DDB2: variants seen among roughly 807,000 people sequenced by gnomAD.
DDB2 encodes the protein DNA damage-binding protein 2.
In DDB2, 27 loss-of-function variants were observed where a neutral mutation model predicts 50.5. The observed-to-expected ratio is 0.53, with a 90% confidence interval of 0.39 to 0.74. The LOEUF (loss-of-function observed/expected upper bound fraction) is 0.74. Among genes scored for constraint, DDB2 ranks in the 30% least tolerant of loss-of-function variants. The pLI, the probability that DDB2 is intolerant of heterozygous loss-of-function variation, is 0.00. For synonymous variants in DDB2, 176 were observed against 205.5 expected (o/e 0.86, Z 1.23); for missense variants, 424 against 545.6 (o/e 0.78, Z 2.22).
intron 4 of DDB2, 116 bp downstream of exon 4, chr11:47,233,075 C>G: frequency 8.2e-7 from 1 of 1,214,932 alleles, no homozygotes; most frequent in South Asian, 1.2e-5. Context: ...GGAAAGATGT[C>G]AGCCACTTTC....
At chr11:47,229,149 C>A (rs958997147) in intron 3 of DDB2, among the ~76,000 whole-genome samples, 2 of 151,912 alleles carry the variant, frequency 1.3e-5, no homozygotes, top group African/African-American at 4.8e-5. Flanking sequence ...GATGCTGGGG[C>A]CCCTGAAGCT....
chr11:47,239,008 CT>C lies in DDB2; in HGVS notation c.*163del. Reference sequence around the variant, plus strand: ...CCTGGGGCACTGTGGGACTGGGACACTTTTATGTTAATGCTCTGGACTTGCC... The same window carrying C: ...CCTGGGGCACTGTGGGACTGGGACACTTTATGTTAATGCTCTGGACTTGCC... On this transcript the variant is annotated 3_prime_UTR_variant, in exon 10 of 10. Transcript: ENST00000256996. 2.9e-6 allele frequency: 2 copies of C among 697,562 alleles called. No individual in the cohort carries two copies. Among genetic ancestry groups the C allele is most frequent in the Non-Finnish European group, 2.5e-6 (1 of 407,844 alleles). The allele number at this position is 697,562 out of a possible 1,614,324, so 43.2% of individuals were successfully genotyped here. A position where few individuals can be genotyped will look rare whatever the true frequency, so the allele number is the denominator to read the frequency against.
intron 3 of DDB2, among the ~76,000 whole-genome samples, chr11:47,223,125 A>C (rs961361905): frequency 3.9e-5 from 6 of 152,210 alleles, no homozygotes; most frequent in Non-Finnish European, 8.8e-5. Context: ...TTTAATTGGT[A>C]AATTAAAATT....
At position 47,216,048 on chromosome 11, in the gene DDB2, A is replaced by C. The variant is rs769079489; in HGVS notation, c.128-288A>C. On this transcript the variant is annotated intron_variant, in intron 1 of 9. Coordinates refer to ENST00000256996, the MANE Select transcript of DDB2 (RefSeq NM_000107.3). Reference sequence around the variant, plus strand: ...CAAACTGGGAAGAGTTCTGCATTGTACTTTATCCTTGTGTGTTTCTTTGGC... The same window carrying C: ...CAAACTGGGAAGAGTTCTGCATTGTCCTTTATCCTTGTGTGTTTCTTTGGC... The C allele has an allele frequency of 1.5e-5, 8 of 516,448 alleles. 1 individual carries two copies. Among genetic ancestry groups the C allele is most frequent in the Non-Finnish European group, 2.5e-5 (7 of 283,432 alleles). 32.0% of individuals were successfully genotyped at this position (516,448 alleles called of 1,614,324 possible).
chr11:47,222,950 T>C (rs576124732), intron 3 of DDB2, among the ~76,000 whole-genome samples: 1 of 152,238 alleles, frequency 6.6e-6, no homozygotes, highest in South Asian at 2.1e-4. Context: ...ATTTTCTTTC[T>C]GCCTGAAGAA....
chr11:47,215,981 T>G, intron 1 of DDB2: 1 of 384,212 alleles, frequency 2.6e-6, no homozygotes, highest in East Asian at 6.1e-5. Context: ...TTATATGTGA[T>G]TTATAAAATT....
chr11:47,232,049 A>G (rs1340398320), intron 3 of DDB2, among the ~76,000 whole-genome samples: 1 of 152,200 alleles, frequency 6.6e-6, no homozygotes, highest in Non-Finnish European at 1.5e-5. Flanking sequence ...TAAAGCCTTA[A>G]GAAATGAAGG....
At chr11:47,219,211 G>A (rs1353858934) in intron 3 of DDB2, among the ~76,000 whole-genome samples, 1 of 152,138 alleles carries the variant, frequency 6.6e-6, no homozygotes, top group Non-Finnish European at 1.5e-5. Context: ...CCAAAGTGCT[G>A]GGATTACAGG....
At chr11:47,226,474 C>T (rs1459910851) in intron 3 of DDB2, among the ~76,000 whole-genome samples, 8 of 151,814 alleles carry the variant, frequency 5.3e-5, no homozygotes, top group Admixed American at 1.3e-4. Context: ...GGTTTTGCCA[C>T]GTTGGCCAGG....
chr11:47,230,193 G>A (rs982654408), intron 3 of DDB2, among the ~76,000 whole-genome samples: 1 of 151,766 alleles, frequency 6.6e-6, no homozygotes, highest in South Asian at 2.1e-4. Flanking sequence ...CCAGCTACTT[G>A]GGAGGCTGAG....
chr11:47,215,458 A>G, intron 1 of DDB2, 195 bp downstream of exon 1: 1 of 684,070 alleles, frequency 1.5e-6, no homozygotes, highest in South Asian at 1.6e-5. Flanking sequence ...GGTAACAGGA[A>G]GCAGATGAGC....
rs1301607305 is a variant in DDB2 at position 47,232,954 on chromosome 11, C to G, written c.597C>G (p.Thr199=). The G allele has an allele frequency of 1.2e-6, 2 of 1,614,076 alleles. No individual in the cohort carries two copies. Among genetic ancestry groups the G allele is most frequent in the African/African-American group, 2.7e-5 (2 of 74,942 alleles). Reference sequence around the variant, plus strand: ...TACGAGTTTTTGCCAGCTCAGACACCATCAAGTGAGTAGTTTAACTAGCAG... The same window carrying G: ...TACGAGTTTTTGCCAGCTCAGACACGATCAAGTGAGTAGTTTAACTAGCAG... ...NILRVFASSD[T]INIWFCSLDV... Residue 199 remains threonine (T), a synonymous_variant, in exon 4 of 10, where the codon ACC becomes ACG. Coordinates refer to ENST00000256996, the MANE Select transcript of DDB2 (RefSeq NM_000107.3).
intron 3 of DDB2, chr11:47,220,745 T>C (rs756300143): frequency 6.6e-6 from 1 of 152,262 alleles, no homozygotes; most frequent in Non-Finnish European, 1.5e-5. Flanking sequence ...CAGTGCCTCA[T>C]TTTGTCACTT....
intron 8 of DDB2, 62 bp from the exon 9 acceptor site, chr11:47,238,076 A>C: frequency 1.2e-6 from 2 of 1,612,130 alleles, no homozygotes; most frequent in South Asian, 2.2e-5. Flanking sequence ...AAGTGACCAG[A>C]AATCAGGTGT....
chr11:47,215,175 C>A lies in DDB2; in HGVS notation c.39C>A (p.Ser13=). ...AACGCCCAGAAACCCAGAAGACCTC[C>A]GAGATTGTATTACGCCCCAGGAACA... ...PKKRPETQKT[S]EIVLRPRNKR... is the part of the protein sequence containing the mutation. Residue 13 remains serine, a synonymous_variant, in exon 1 of 10, where the codon TCC becomes TCA. Coordinates refer to ENST00000256996, the MANE Select transcript of DDB2 (RefSeq NM_000107.3). 1 of 1,614,062 alleles carries A rather than the reference C, an allele frequency of 6.2e-7. No individual in the cohort carries two copies. The highest frequency in any genetic ancestry group is 8.5e-7 in the Non-Finnish European group (1 of 1,180,028).
rs1046473237 is a variant in DDB2 at position 47,233,052 on chromosome 11, C to G, written c.602+93C>G. On this transcript the variant is annotated intron_variant, in intron 4 of 9. Transcript: ENST00000256996. ...ATCCCATTTCCTTAACCCAACCTGGCCCAGGGAAGAAAGGAAAGATGTCAG... is the reference window on the plus strand; with the variant it reads ...ATCCCATTTCCTTAACCCAACCTGGGCCAGGGAAGAAAGGAAAGATGTCAG... The G allele has an allele frequency of 4.3e-6, 6 of 1,408,852 alleles. No homozygotes were observed. The African/African-American group carries it at 8.5e-5, about 20-fold the overall frequency. 87.3% of individuals were successfully genotyped at this position (1,408,852 alleles called of 1,614,324 possible).
At chr11:47,237,790 G>T in intron 7 of DDB2, 47 bp from the exon 8 acceptor site, 2 of 1,599,074 alleles carry the variant, frequency 1.3e-6, no homozygotes, top group South Asian at 2.2e-5. Flanking sequence ...TGTCCCCCTT[G>T]ATCATGTTCT....
chr11:47,236,725 G>GC (rs1953730731), intron 7 of DDB2, among the ~76,000 whole-genome samples: 1 of 152,150 alleles, frequency 6.6e-6, no homozygotes, highest in South Asian at 2.1e-4. Flanking sequence ...ATATTGAGTG[G>GC]CCCCCACGTA....
intron 4 of DDB2, among the ~76,000 whole-genome samples, chr11:47,233,791 TTAAG>T (rs1370360684): frequency 6.6e-6 from 1 of 151,780 alleles, no homozygotes; most frequent in Admixed American, 6.6e-5. Flanking sequence ...CCCTGAGGAA[TTAAG>T]TGAGGGTGCT....
Sources: allele counts gnomAD v4.1 joint callset (sites outside exome capture counted in the v4.1 genomes callset), GRCh38; gene constraint gnomAD v4.1.1; transcripts MANE v1.5; gene names NCBI Gene and HGNC (gene_info 2026-07-23, HGNC 2026-07-21).